Variants in DNAJC13 observed in about 807,000 individuals in gnomAD.
DNAJC13 encodes the protein dnaJ homolog subfamily C member 13.
In DNAJC13, 75 loss-of-function variants were observed where a neutral mutation model predicts 290.5. The observed-to-expected ratio is 0.26, with a 90% confidence interval of 0.21 to 0.31. The LOEUF is 0.31. Ranked by LOEUF, DNAJC13 falls within the 10% of genes least tolerant of loss-of-function variation. The probability of loss-of-function intolerance (pLI) is 1.00; values close to 1 mark genes in which losing one functional copy is unlikely to be tolerated. For synonymous variants in DNAJC13, 862 were observed against 892.0 expected (o/e 0.97, Z 0.60); for missense variants, 2,260 against 2,674.5 (o/e 0.85, Z 3.42).
Position 132,525,762 on chromosome 3 carries a change from G to A in DNAJC13, c.6213G>A (p.Arg2071=). The A allele has an allele frequency of 6.2e-7, 1 of 1,614,052 alleles. No homozygotes were observed. Among genetic ancestry groups the A allele is most frequent in the South Asian group, 1.1e-5 (1 of 91,066 alleles). ...ATGCCATTCCTAAGAGTGCCATTCGGGTTATCCATGCCTTGTCTGAAAATG... is the reference window on the plus strand; with the variant it reads ...ATGCCATTCCTAAGAGTGCCATTCGAGTTATCCATGCCTTGTCTGAAAATG... ...RNNAIPKSAI[R]VIHALSENEL... The change falls in exon 52 of 56, where the codon CGG becomes CGA. Residue 2071 remains arginine (R), a synonymous_variant. Transcript: ENST00000260818.
intron 1 of DNAJC13, among the ~76,000 whole-genome samples, chr3:132,430,713 C>T (rs138450779): frequency 2.6e-5 from 4 of 152,300 alleles, no homozygotes; most frequent in East Asian, 1.9e-4. Context: ...TATCCGTACA[C>T]CTATATATCT....
intron 40 of DNAJC13, 108 bp downstream of exon 40, chr3:132,502,576 T>A (rs1935453762): frequency 9.5e-7 from 1 of 1,057,444 alleles, no homozygotes; most frequent in Admixed American, 3.2e-5. Flanking sequence ...TAAATTGTTT[T>A]TCAGGAAAAT....
At chr3:132,422,786 A>G (rs1253305585) in intron 1 of DNAJC13, among the ~76,000 whole-genome samples, 1 of 152,206 alleles carries the variant, frequency 6.6e-6, no homozygotes, top group Admixed American at 6.5e-5. Context: ...TTTATTCAAT[A>G]GTCGACATAT....
At chr3:132,419,477 C>T (rs1037801690) in intron 1 of DNAJC13, among the ~76,000 whole-genome samples, 1 of 152,140 alleles carries the variant, frequency 6.6e-6, no homozygotes, top group East Asian at 1.9e-4. Flanking sequence ...TTGCCTTGCC[C>T]AGGTGGACTG....
At chr3:132,435,598 A>G (rs937366826) in intron 2 of DNAJC13, among the ~76,000 whole-genome samples, 4 of 152,208 alleles carry the variant, frequency 2.6e-5, no homozygotes, top group Non-Finnish European at 5.9e-5. Context: ...CTAAATTAGA[A>G]TAGTTGTTAC....
chr3:132,438,108 G>C (rs1214066899), intron 2 of DNAJC13, among the ~76,000 whole-genome samples: 1 of 150,368 alleles, frequency 6.7e-6, no homozygotes, highest in Non-Finnish European at 1.5e-5. Context: ...TGAATCTGTA[G>C]ATCCATTAGT....
chr3:132,451,498 T>C (rs902254578), intron 6 of DNAJC13, among the ~76,000 whole-genome samples: 2 of 152,192 alleles, frequency 1.3e-5, no homozygotes, highest in African/African-American at 4.8e-5. Context: ...CTTAAGGTGC[T>C]GAGAACCCTG....
At chr3:132,461,884 G>A (rs1933810571) in intron 15 of DNAJC13, among the ~76,000 whole-genome samples, 1 of 151,802 alleles carries the variant, frequency 6.6e-6, no homozygotes, top group Admixed American at 6.6e-5. Flanking sequence ...GTAGAGACGG[G>A]GTCTCCCTTT....
intron 53 of DNAJC13, among the ~76,000 whole-genome samples, chr3:132,527,111 T>A (rs1204039775): frequency 6.6e-6 from 1 of 152,210 alleles, no homozygotes. Flanking sequence ...CACAAAAAAA[T>A]AAGTATTTGT....
Position 132,488,411 on chromosome 3 carries a change from T to C in DNAJC13, c.3381T>C (p.Phe1127=). The change falls in exon 30 of 56, where the codon TTT becomes TTC. Residue 1127 remains phenylalanine (F), a synonymous_variant. Coordinates refer to ENST00000260818, the MANE Select transcript of DNAJC13 (RefSeq NM_015268.4). ...PRLYLSGVFF[F]IMMYTGSNVL... ...TTTATCTGAGTGGAGTATTTTTCTT[T>C]ATCATGATGTACACAGGTTCCAATG... The C allele has an allele frequency of 6.2e-7, 1 of 1,613,638 alleles. No homozygotes were observed. Among genetic ancestry groups the C allele is most frequent in the South Asian group, 1.1e-5 (1 of 90,996 alleles).
chr3:132,509,029 T>A (rs188003681), intron 43 of DNAJC13, among the ~76,000 whole-genome samples: 11 of 152,362 alleles, frequency 7.2e-5, no homozygotes, highest in African/African-American at 2.2e-4. Context: ...TTGCAGCCCA[T>A]GGATCAAGGA....
chr3:132,528,133 C>A, intron 53 of DNAJC13, 56 bp from the exon 54 acceptor site: 1 of 1,596,902 alleles, frequency 6.3e-7, no homozygotes, highest in Non-Finnish European at 8.6e-7. Flanking sequence ...ATTATTTCTT[C>A]AGTGGATGAT....
chr3:132,419,492 A>C (rs60445468), intron 1 of DNAJC13, among the ~76,000 whole-genome samples: 2,243 of 152,346 alleles, frequency 0.015, 54 homozygotes, highest in African/African-American at 0.05. Context: ...GGACTGTAAC[A>C]ATACTGGCTT....
intron 25 of DNAJC13, 81 bp downstream of exon 25, chr3:132,479,370 T>G (rs1002819912): frequency 2.1e-6 from 2 of 973,678 alleles, no homozygotes; most frequent in Non-Finnish European, 3.2e-6. Flanking sequence ...GAGTTGATTA[T>G]CCAGGGAGTG....
intron 12 of DNAJC13, among the ~76,000 whole-genome samples, chr3:132,457,065 GC>G (rs1189128060): frequency 3.9e-5 from 6 of 152,088 alleles, no homozygotes; most frequent in Non-Finnish European, 8.8e-5. Context: ...GAAATTACAT[GC>G]CTTTTAGTTT....
chr3:132,473,730 A>G (rs1168777295), intron 21 of DNAJC13, among the ~76,000 whole-genome samples: 1 of 152,070 alleles, frequency 6.6e-6, no homozygotes, highest in East Asian at 1.9e-4. Flanking sequence ...CATTTTGGGG[A>G]GTTTGCAAAG....
chr3:132,440,180 C>T (rs1576461194), intron 2 of DNAJC13, among the ~76,000 whole-genome samples: 1 of 152,156 alleles, frequency 6.6e-6, no homozygotes, highest in South Asian at 2.1e-4. Flanking sequence ...TTGCTTGAAC[C>T]CAGGAGGCGG....
chr3:132,522,298 G>A (rs1219466940), intron 48 of DNAJC13, among the ~76,000 whole-genome samples: 1 of 152,148 alleles, frequency 6.6e-6, no homozygotes, highest in African/African-American at 2.4e-5. Flanking sequence ...GTATGTGCTA[G>A]ATGTATTTTT....
At chr3:132,481,716 A>G (rs1447155020) in intron 26 of DNAJC13, among the ~76,000 whole-genome samples, 1 of 152,232 alleles carries the variant, frequency 6.6e-6, no homozygotes, top group Non-Finnish European at 1.5e-5. Context: ...TAGGTATTAA[A>G]TTGAGACTAT....
Sources: gnomAD v4.1 joint callset for allele counts (sites outside exome capture counted in the v4.1 genomes callset) on GRCh38, gnomAD v4.1.1 for gene constraint, MANE v1.5 for transcripts, NCBI Gene and HGNC (gene_info 2026-07-23, HGNC 2026-07-21) for gene names.